Variants in PRKCH observed in about 807,000 individuals in gnomAD.
PRKCH encodes the protein protein kinase C eta.
Under a neutral mutation model 82.5 loss-of-function variants are expected in PRKCH, and 28 were observed. The observed-to-expected ratio is 0.34, with a 90% confidence interval of 0.25 to 0.47. The LOEUF (loss-of-function observed/expected upper bound fraction) is 0.47, where lower values mean the gene tolerates loss of function less well. PRKCH is among the 20% of genes least tolerant of loss of function. The probability of loss-of-function intolerance (pLI) is 1.00; values close to 1 mark genes in which losing one functional copy is unlikely to be tolerated. For synonymous variants in PRKCH, 322 were observed against 327.4 expected (o/e 0.98, Z 0.18); for missense variants, 705 against 881.8 (o/e 0.80, Z 2.54).
chr14:61,451,066 G>A, intron 6 of PRKCH, 95 bp downstream of exon 6: 1 of 1,359,402 alleles, frequency 7.4e-7, no homozygotes, highest in Non-Finnish European at 9.9e-7. Flanking sequence ...TCCTAGAACT[G>A]ATGGTTTTAG....
At chr14:61,454,322 C>G (rs1385101554) in intron 7 of PRKCH, among the ~76,000 whole-genome samples, 1 of 152,084 alleles carries the variant, frequency 6.6e-6, no homozygotes, top group Non-Finnish European at 1.5e-5. Context: ...AGGCTGGTCT[C>G]AAACTTCTGA....
intron 9 of PRKCH, among the ~76,000 whole-genome samples, chr14:61,467,807 A>G (rs574211293): frequency 7.2e-5 from 11 of 152,362 alleles, no homozygotes; most frequent in African/African-American, 1.9e-4. Context: ...ACCAATGTCT[A>G]TGAAACTAAA....
At chr14:61,523,334 A>G (rs948461640) in intron 10 of PRKCH, among the ~76,000 whole-genome samples, 1 of 152,358 alleles carries the variant, frequency 6.6e-6, no homozygotes, top group African/African-American at 2.4e-5. Context: ...TCATAGTGCC[A>G]TCTTAGAATA....
chr14:61,238,538 G>A (rs2044809346), intron 1 of PRKCH, among the ~76,000 whole-genome samples: 1 of 152,166 alleles, frequency 6.6e-6, no homozygotes, highest in Non-Finnish European at 1.5e-5. Flanking sequence ...CCAACCTTAA[G>A]AGCTTTGTTT....
intron 1 of PRKCH, chr14:61,327,059 G>A (rs751719633): frequency 3.9e-5 from 18 of 455,884 alleles, no homozygotes; most frequent in Admixed American, 1.6e-4. Flanking sequence ...AGACCTTGGC[G>A]CCCCCTCAGG....
At chr14:61,295,522 T>A (rs2045399027) in intron 1 of PRKCH, among the ~76,000 whole-genome samples, 2 of 152,158 alleles carry the variant, frequency 1.3e-5, no homozygotes, top group South Asian at 2.1e-4. Flanking sequence ...AATAAAAAAA[T>A]TTTGTTTCTC....
Position 61,280,132 on chromosome 14 carries a change from T to G in PRKCH, c.-19+92464T>G, listed in dbSNP as rs941010284. The G allele has an allele frequency of 1.9e-6, 3 of 1,613,838 alleles. No homozygotes were observed. Among genetic ancestry groups the G allele is most frequent in the Non-Finnish European group, 1.7e-6 (2 of 1,179,870 alleles). ...GTCGTCCTGGTCCTGGTAGCGAATGTAGACGACCAGCATGACAAAGCCGGT... is the reference window on the plus strand; with the variant it reads ...GTCGTCCTGGTCCTGGTAGCGAATGGAGACGACCAGCATGACAAAGCCGGT... On this transcript the variant is annotated intron_variant, in intron 1 of 3. Coordinates refer to the PRKCH transcript ENST00000555185. This position sits in a 1 kb window ranked among gnomAD's most constrained non-coding sequence, Gnocchi z 5.0.
intron 1 of PRKCH, among the ~76,000 whole-genome samples, chr14:61,366,616 G>A (rs1025864403): frequency 2.6e-5 from 4 of 152,048 alleles, no homozygotes; most frequent in Non-Finnish European, 2.9e-5. Flanking sequence ...ATAAGGAAAT[G>A]GATGTCGGTC....
chr14:61,298,278 A>C (rs889892261), intron 1 of PRKCH: 2 of 152,320 alleles, frequency 1.3e-5, no homozygotes, highest in Non-Finnish European at 2.9e-5. Flanking sequence ...CACTTCTTCC[A>C]CTTGGATGTC....
At chr14:61,470,831 C>G (rs1464220448) in intron 9 of PRKCH, among the ~76,000 whole-genome samples, 1 of 152,074 alleles carries the variant, frequency 6.6e-6, no homozygotes, top group African/African-American at 2.4e-5. Flanking sequence ...GAGGAGATCC[C>G]TGCTAGCCAA....
intron 2 of PRKCH, among the ~76,000 whole-genome samples, chr14:61,418,776 C>T (rs534931721): frequency 6.6e-6 from 1 of 152,180 alleles, no homozygotes; most frequent in Non-Finnish European, 1.5e-5. Flanking sequence ...AATTCTGAAG[C>T]CTGGGCCATT....
intron 12 of PRKCH, among the ~76,000 whole-genome samples, chr14:61,545,873 A>G (rs2043250314): frequency 6.6e-6 from 1 of 152,202 alleles, no homozygotes; most frequent in Non-Finnish European, 1.5e-5. Context: ...CTGGGGCTTC[A>G]GCCACCCTGG....
At chr14:61,229,442 A>G (rs918528818) in intron 1 of PRKCH, among the ~76,000 whole-genome samples, 32 of 152,144 alleles carry the variant, frequency 2.1e-4, no homozygotes, top group African/African-American at 7.7e-4. Flanking sequence ...TCTGCCTGCC[A>G]TTGTTCACCT....
intron 10 of PRKCH, among the ~76,000 whole-genome samples, chr14:61,524,023 A>G (rs1370669006): frequency 1.3e-5 from 2 of 152,216 alleles, no homozygotes; most frequent in Non-Finnish European, 2.9e-5. Flanking sequence ...GAAATTTCCC[A>G]TAATAAAAGT....
intron 1 of PRKCH, among the ~76,000 whole-genome samples, chr14:61,252,029 A>G (rs1594874821): frequency 6.6e-6 from 1 of 152,020 alleles, no homozygotes; most frequent in South Asian, 2.1e-4. Context: ...TAGTAGAGAC[A>G]GGGTTTCACC....
chr14:61,320,925 T>C (rs1053896833), upstream of PRKCH, among the ~76,000 whole-genome samples: 12 of 152,292 alleles, frequency 7.9e-5, no homozygotes, highest in Admixed American at 6.5e-4. Flanking sequence ...AAGAGACTTA[T>C]TACCTCTTGG....
chr14:61,450,539 A>T (rs537753528), intron 5 of PRKCH, among the ~76,000 whole-genome samples: 1 of 152,198 alleles, frequency 6.6e-6, no homozygotes, highest in Non-Finnish European at 1.5e-5. Context: ...GTGTTAGGGG[A>T]TTGGCAAGGA....
At chr14:61,353,478 A>AT (rs2046108762) in intron 1 of PRKCH, 1 of 152,154 alleles carries the variant, frequency 6.6e-6, no homozygotes, top group Non-Finnish European at 1.5e-5. Context: ...CACACTTAAA[A>AT]TTTTTTGTAG....
intron 2 of PRKCH, among the ~76,000 whole-genome samples, chr14:61,431,323 A>G (rs1339353751): frequency 1.3e-5 from 2 of 152,224 alleles, no homozygotes; most frequent in Non-Finnish European, 2.9e-5. Context: ...CCTCAGCACC[A>G]TGCCATTGTG....
Sources: allele counts gnomAD v4.1 joint callset (sites outside exome capture counted in the v4.1 genomes callset), GRCh38; gene constraint gnomAD v4.1.1; non-coding constraint Gnocchi (gnomAD v3.1); transcripts MANE v1.5; gene names NCBI Gene and HGNC (gene_info 2026-07-23, HGNC 2026-07-21).